CCDC201: variants seen among roughly 807,000 people sequenced by gnomAD.
CCDC201 encodes coiled-coil domain containing 201.
At chr7:45,882,792 C>T in the CCDC201 span, among the ~76,000 whole-genome samples, 292 of 152,298 alleles carry the variant, frequency 1.9e-3, 1 homozygote, top group African/African-American at 6.3e-3. Context: ...TCCTGGTCCC[C>T]GGTTTAATAC....
upstream of CCDC201, among the ~76,000 whole-genome samples, chr7:45,876,721 G>A (rs917870221): frequency 1.3e-5 from 2 of 152,220 alleles, no homozygotes; most frequent in Admixed American, 1.3e-4. Flanking sequence ...TGTTAGCCTG[G>A]CACTGGGTGG....
the CCDC201 span, among the ~76,000 whole-genome samples, chr7:45,880,633 G>A: frequency 6.6e-6 from 1 of 152,244 alleles, no homozygotes; most frequent in Admixed American, 6.5e-5. Context: ...CTGTGACTTG[G>A]GGAATGAGAC....
the CCDC201 span, among the ~76,000 whole-genome samples, chr7:45,884,398 C>T: frequency 6.6e-6 from 1 of 152,202 alleles, no homozygotes; most frequent in Non-Finnish European, 1.5e-5. Context: ...TTGCCTGACT[C>T]AGAACCTCCT....
the CCDC201 span, among the ~76,000 whole-genome samples, chr7:45,878,610 G>A: frequency 6.6e-6 from 1 of 152,246 alleles, no homozygotes; most frequent in East Asian, 1.9e-4. Flanking sequence ...AGCTGGAGCA[G>A]CTGTAATACA....
At chr7:45,866,848 A>C (rs1262788505) in intron 1 of CCDC201, among the ~76,000 whole-genome samples, 1 of 152,204 alleles carries the variant, frequency 6.6e-6, no homozygotes, top group Non-Finnish European at 1.5e-5. Context: ...AGGCATTGTC[A>C]ATGAAATCAT....
chr7:45,863,920 G>A (rs1038830737), intron 2 of CCDC201, among the ~76,000 whole-genome samples: 3 of 152,216 alleles, frequency 2.0e-5, no homozygotes, highest in African/African-American at 7.2e-5. Flanking sequence ...GAGCCACCGG[G>A]AGGCGTCCTG....
the CCDC201 span, among the ~76,000 whole-genome samples, chr7:45,879,496 C>T: frequency 6.6e-6 from 1 of 152,178 alleles, no homozygotes; most frequent in Non-Finnish European, 1.5e-5. Context: ...GGCAAGACCT[C>T]AGGAAACTTA....
chr7:45,865,068 G>A (rs1456325513), intron 2 of CCDC201, among the ~76,000 whole-genome samples: 1 of 151,904 alleles, frequency 6.6e-6, no homozygotes, highest in African/African-American at 2.4e-5. Context: ...GGCACACAGG[G>A]CCTTCCAGTT....
chr7:45,870,128 T>G (rs1231814297), intron 1 of CCDC201, among the ~76,000 whole-genome samples: 1 of 152,230 alleles, frequency 6.6e-6, no homozygotes, highest in Admixed American at 6.5e-5. Flanking sequence ...TTGCTCCACA[T>G]TCTTACCCAC....
At chr7:45,869,523 T>C (rs1786718661) in intron 1 of CCDC201, among the ~76,000 whole-genome samples, 1 of 152,176 alleles carries the variant, frequency 6.6e-6, no homozygotes. Flanking sequence ...TTTGGGATGA[T>C]GAGTTGATCA....
At chr7:45,883,180 T>C in the CCDC201 span, among the ~76,000 whole-genome samples, 1 of 152,092 alleles carries the variant, frequency 6.6e-6, no homozygotes, top group Non-Finnish European at 1.5e-5. Context: ...TAGTTCTTTA[T>C]CAAATGGGCA....
exon 3 of CCDC201, chr7:45,860,694 C>T (rs1786588318): frequency 1.3e-5 from 2 of 152,226 alleles, no homozygotes; most frequent in African/African-American, 4.8e-5. Flanking sequence ...TTCTCATCGT[C>T]TCCTGTCCCC....
At chr7:45,881,948 C>CA in the CCDC201 span, among the ~76,000 whole-genome samples, 1 of 152,114 alleles carries the variant, frequency 6.6e-6, no homozygotes. Context: ...ATCAGTTTGC[C>CA]AAGCAGTGTC....
chr7:45,884,578 C>A, the CCDC201 span, among the ~76,000 whole-genome samples: 2 of 152,168 alleles, frequency 1.3e-5, no homozygotes, highest in African/African-American at 4.8e-5. Flanking sequence ...GCAGGAAGAA[C>A]TACTGGCTCT....
chr7:45,876,504 G>A (rs891369680), upstream of CCDC201, among the ~76,000 whole-genome samples: 22 of 152,204 alleles, frequency 1.4e-4, no homozygotes, highest in African/African-American at 5.3e-4. Flanking sequence ...CCACCCCCAG[G>A]GCTTTCTGAC....
chr7:45,860,883 A>G (rs1036353214), exon 3 of CCDC201: 3 of 152,248 alleles, frequency 2.0e-5, no homozygotes, highest in African/African-American at 7.2e-5. Flanking sequence ...GAACACTTTA[A>G]CTAGAGTGCC....
At chr7:45,869,608 C>G (rs1786719727) in intron 1 of CCDC201, among the ~76,000 whole-genome samples, 1 of 152,098 alleles carries the variant, frequency 6.6e-6, no homozygotes, top group Admixed American at 6.6e-5. Flanking sequence ...TCAGCAAAGC[C>G]CTTAAAACTG....
exon 3 of CCDC201, chr7:45,861,538 A>G (rs1786601070): frequency 6.6e-6 from 1 of 152,196 alleles, no homozygotes. Context: ...GAAGAATCTC[A>G]TTCTCTGTTG....
the CCDC201 span, among the ~76,000 whole-genome samples, chr7:45,878,668 G>T: frequency 2.0e-5 from 3 of 152,232 alleles, no homozygotes; most frequent in Non-Finnish European, 4.4e-5. Context: ...CCTCAGCCTG[G>T]CCCACAAAGC....
Sources: allele counts gnomAD v4.1 joint callset (sites outside exome capture counted in the v4.1 genomes callset), GRCh38; gene constraint gnomAD v4.1.1; transcripts MANE v1.5; gene names NCBI Gene and HGNC (gene_info 2026-07-23, HGNC 2026-07-21).